Variants in ALDH7A1 observed in about 807,000 individuals in gnomAD.
The protein encoded by ALDH7A1 is alpha-aminoadipic semialdehyde dehydrogenase.
A neutral mutation model predicts 79.9 loss-of-function variants in ALDH7A1; 63 were observed. The observed-to-expected ratio is 0.79, with a 90% confidence interval of 0.64 to 0.97. ALDH7A1 has a LOEUF of 0.97. Among genes scored for constraint, ALDH7A1 ranks in the 50% least tolerant of loss-of-function variants. The probability of loss-of-function intolerance (pLI) is 0.00; values close to 1 mark genes in which losing one functional copy is unlikely to be tolerated. For synonymous variants in ALDH7A1, 240 were observed against 231.2 expected, an observed-to-expected ratio of 1.04 and a Z score of -0.34; for missense variants, 627 against 665.2, an observed-to-expected ratio of 0.94 and a Z score of 0.63.
chr5:126,571,220 G>T (rs1750761878), intron 7 of ALDH7A1: 1 of 287,432 alleles, frequency 3.5e-6, no homozygotes, highest in Non-Finnish European at 6.5e-6. Flanking sequence ...GCTCATGCCT[G>T]CAATCCCAGC....
At chr5:126,571,150 A>AC (rs1750756803) in intron 7 of ALDH7A1, 1 of 206,660 alleles carries the variant, frequency 4.8e-6, no homozygotes, top group East Asian at 1.2e-4. Flanking sequence ...CTATTAGCAG[A>AC]TTTTTTTTTT....
At chr5:126,573,071 T>C (rs114159563) in intron 7 of ALDH7A1, among the ~76,000 whole-genome samples, 111 of 130,024 alleles carry the variant, frequency 8.5e-4, no homozygotes, top group African/African-American at 3.2e-3. Context: ...TCAACCAGCA[T>C]ATAAACTCTT....
intron 13 of ALDH7A1, among the ~76,000 whole-genome samples, 200 bp downstream of exon 13, chr5:126,554,087 A>G (rs952899603): frequency 2.0e-5 from 3 of 152,188 alleles, no homozygotes; most frequent in Admixed American, 2.0e-4. Context: ...CATCCTGGGC[A>G]CAGAGTAAGA....
chr5:126,592,472 A>C (rs1486910374), intron 3 of ALDH7A1, 192 bp downstream of exon 3: 1 of 607,234 alleles, frequency 1.6e-6, no homozygotes, highest in East Asian at 2.8e-5. Context: ...CAAGTACAAA[A>C]AAGGCACTAC....
intron 7 of ALDH7A1, among the ~76,000 whole-genome samples, chr5:126,574,527 C>G (rs758459699): frequency 1.1e-4 from 17 of 151,750 alleles, no homozygotes; most frequent in Non-Finnish European, 2.5e-4. Context: ...AACCCCATCT[C>G]TACTAAAAAC....
intron 8 of ALDH7A1, chr5:126,570,263 T>C (rs886693256): frequency 1.2e-5 from 2 of 172,898 alleles, no homozygotes; most frequent in Non-Finnish European, 2.5e-5. Context: ...AAAACCACTA[T>C]ATTGTACACT....
chr5:126,573,857 A>G (rs969569083), intron 7 of ALDH7A1, among the ~76,000 whole-genome samples: 3 of 134,330 alleles, frequency 2.2e-5, no homozygotes, highest in Non-Finnish European at 3.2e-5. Flanking sequence ...ACAGAGCAAG[A>G]CTCTGTCTTT....
chr5:126,584,467 C>A, intron 3 of ALDH7A1: 1 of 189,598 alleles, frequency 5.3e-6, no homozygotes, highest in South Asian at 1.0e-4. Flanking sequence ...CGAGACCAGC[C>A]TGGGCAACAT....
In ALDH7A1 at chr5:126,582,297, C is replaced by A. The variant is rs1012398940; in HGVS notation, c.517+554G>T. On this transcript the variant is annotated intron_variant, in intron 5 of 17. Transcript: ENST00000409134. Reference sequence around the variant, plus strand: ...ATTTTCTGATATGAATCTATCGTTTCTTCAAAAAAAATTAACATTAGTATA... The same window carrying A: ...ATTTTCTGATATGAATCTATCGTTTATTCAAAAAAAATTAACATTAGTATA... 2.5e-5 allele frequency: 10 copies of A among 393,242 alleles called. 1 individual carries two copies. In the Admixed American group the frequency reaches 4.0e-4, roughly 16 times the overall value. The allele number at this position is 393,242 out of a possible 1,614,324, so 24.4% of individuals were successfully genotyped here. A position where few individuals can be genotyped will look rare whatever the true frequency, so the allele number is the denominator to read the frequency against.
At position 126,577,177 on chromosome 5, in the gene ALDH7A1, G is replaced by T. The variant is rs369859575; in HGVS notation, c.552C>A (p.Pro184=). 6.2e-7 allele frequency: 1 copy of T among 1,614,018 alleles called. No individual in the cohort carries two copies. Among genetic ancestry groups the T allele is most frequent in the Non-Finnish European group, 8.5e-7 (1 of 1,180,034 alleles). The change falls in exon 6 of 18, where the codon CCC becomes CCA. Residue 184 remains proline (P), a synonymous_variant. Coordinates refer to ENST00000409134, the MANE Select transcript of ALDH7A1 (RefSeq NM_001182.5). ...SGHALIEQWN[P]VGLVGIITAF... is the part of the protein sequence containing the mutation. ...CCGTGATGATTCCAACCAGGCCTACGGGATTCCACTGCTCAATCAGTGCAT... is the reference window on the plus strand; with the variant it reads ...CCGTGATGATTCCAACCAGGCCTACTGGATTCCACTGCTCAATCAGTGCAT...
chr5:126,582,974 C>A lies in ALDH7A1; in HGVS notation c.394G>T (p.Val132Leu). The A allele has an allele frequency of 6.2e-7, 1 of 1,613,902 alleles. No individual in the cohort carries two copies. The highest frequency in any genetic ancestry group is 8.5e-7 in the Non-Finnish European group (1 of 1,179,934). The change falls in exon 5 of 18, where the codon GTG becomes TTG. Residue 132 changes from valine (V) to leucine (L), a missense_variant and splice_region_variant. By Grantham distance (32) the Val-to-Leu change is conservative. Transcript: ENST00000409134. ...REKIQVLGSLVSLEMGKILVE... is the reference protein window; with the variant it reads ...REKIQVLGSLLSLEMGKILVE... ...AAGATTTTCCCCATCTCCAAAGACA[C>A]CTAGAAATATAAAACGACAAGCAGA...
At chr5:126,562,629 CA>C (rs1253177871) in intron 9 of ALDH7A1, among the ~76,000 whole-genome samples, 1 of 151,996 alleles carries the variant, frequency 6.6e-6, no homozygotes, top group African/African-American at 2.4e-5. Flanking sequence ...GTGGGCAGAT[CA>C]AAAGGTCAAG....
chr5:126,584,071 C>A, intron 3 of ALDH7A1, 59 bp from the exon 4 acceptor site: 1 of 1,365,128 alleles, frequency 7.3e-7, no homozygotes, highest in Non-Finnish European at 1.0e-6. Flanking sequence ...GTTTATAACA[C>A]AGTATTGGAT....
At chr5:126,583,855 C>T in intron 4 of ALDH7A1, 77 bp downstream of exon 4, 1 of 1,267,632 alleles carries the variant, frequency 7.9e-7, no homozygotes. Context: ...AAAAACCTCA[C>T]AATTTTATAT....
At chr5:126,553,588 T>C (rs1750075259) in intron 13 of ALDH7A1, among the ~76,000 whole-genome samples, 1 of 152,132 alleles carries the variant, frequency 6.6e-6, no homozygotes, top group Non-Finnish European at 1.5e-5. Flanking sequence ...AATGGGTGCC[T>C]GTAATCCCAG....
chr5:126,585,101 G>A (rs1561668361), intron 3 of ALDH7A1, among the ~76,000 whole-genome samples: 2 of 151,856 alleles, frequency 1.3e-5, no homozygotes, highest in African/African-American at 2.4e-5. Context: ...AGTTCAAGAC[G>A]AGCCTGGCCA....
intron 3 of ALDH7A1, among the ~76,000 whole-genome samples, chr5:126,585,854 A>G (rs1345970891): frequency 6.6e-6 from 1 of 152,054 alleles, no homozygotes; most frequent in African/African-American, 2.4e-5. Flanking sequence ...TGACATTCCT[A>G]CCCTTTAACT....
At chr5:126,554,768 G>C in intron 12 of ALDH7A1, 1 of 346,958 alleles carries the variant, frequency 2.9e-6, no homozygotes, top group East Asian at 7.4e-5. Context: ...TATAGGGTCA[G>C]TTTACTCATT....
intron 16 of ALDH7A1, 51 bp downstream of exon 16, chr5:126,549,878 G>C: frequency 3.9e-6 from 6 of 1,549,578 alleles, no homozygotes; most frequent in Non-Finnish European, 5.4e-6. Flanking sequence ...AGCTACTACT[G>C]GTTTTTCTTT....
Sources: allele counts gnomAD v4.1 joint callset (sites outside exome capture counted in the v4.1 genomes callset), GRCh38; gene constraint gnomAD v4.1.1; transcripts MANE v1.5; gene names NCBI Gene and HGNC (gene_info 2026-07-23, HGNC 2026-07-21).